The following ITSN2 variants were observed in gnomAD, a reference collection of about 807,000 sequenced individuals.
ITSN2 encodes intersectin-2.
Under a neutral mutation model 243.7 loss-of-function variants are expected in ITSN2, and 156 were observed. That is an observed-to-expected ratio of 0.64 (90% confidence interval 0.56 to 0.73). The LOEUF (loss-of-function observed/expected upper bound fraction) is 0.73, where lower values mean the gene tolerates loss of function less well. ITSN2 is among the 30% of genes least tolerant of loss of function. ITSN2 has a pLI of 0.00. For missense variants in ITSN2, 1,801 were observed against 1,996.1 expected (o/e 0.90, Z 1.86); for synonymous variants, 703 against 699.9 (o/e 1.00, Z -0.07).
chr2:24,234,866 A>G (rs888994916), intron 29 of ITSN2, among the ~76,000 whole-genome samples: 1 of 152,258 alleles, frequency 6.6e-6, no homozygotes, highest in Non-Finnish European at 1.5e-5. Context: ...AGGATGTGGA[A>G]CAACAGGAAC....
chr2:24,306,380 A>G (rs1374222244), intron 8 of ITSN2, among the ~76,000 whole-genome samples: 2 of 152,130 alleles, frequency 1.3e-5, no homozygotes, highest in Non-Finnish European at 2.9e-5. Context: ...CCTTCCCCAC[A>G]CAGTAACCAC....
chr2:24,251,730 GTTAT>G (rs1674325303), intron 25 of ITSN2, among the ~76,000 whole-genome samples: 1 of 150,294 alleles, frequency 6.7e-6, no homozygotes, highest in Non-Finnish European at 1.5e-5. Context: ...ATAAAAGCAC[GTTAT>G]TTATGTTACC....
chr2:24,317,202 G>A (rs1006963810), intron 2 of ITSN2, among the ~76,000 whole-genome samples: 12 of 152,124 alleles, frequency 7.9e-5, no homozygotes, highest in Non-Finnish European at 1.5e-4. Context: ...TCAACATGGC[G>A]AAACCTCATC....
chr2:24,215,246 G>A (rs1669847384), intron 32 of ITSN2, among the ~76,000 whole-genome samples: 1 of 152,216 alleles, frequency 6.6e-6, no homozygotes, highest in South Asian at 2.1e-4. Context: ...CAGGATCACA[G>A]ATATGCATTT....
chr2:24,285,024 G>A (rs1242245880), intron 16 of ITSN2, among the ~76,000 whole-genome samples, 181 bp from the exon 17 acceptor site: 1 of 150,610 alleles, frequency 6.6e-6, no homozygotes, highest in Admixed American at 6.7e-5. Context: ...AGCCTCCCGA[G>A]TAGCTGGGAC....
At chr2:24,353,847 T>G (rs1688226631) in intron 1 of ITSN2, among the ~76,000 whole-genome samples, 1 of 152,080 alleles carries the variant, frequency 6.6e-6, no homozygotes, top group Non-Finnish European at 1.5e-5. Context: ...TAGTAATCAT[T>G]GAAAAAAACT....
intron 2 of ITSN2, among the ~76,000 whole-genome samples, chr2:24,327,414 T>C (rs1169415800): frequency 6.6e-6 from 1 of 151,988 alleles, no homozygotes; most frequent in East Asian, 1.9e-4. Context: ...TTCTCCTGCC[T>C]CAACCTCCCA....
chr2:24,279,726 CTTTTTT>C (rs955431908), intron 17 of ITSN2, among the ~76,000 whole-genome samples: 14 of 78,246 alleles, frequency 1.8e-4, no homozygotes, highest in African/African-American at 5.3e-4. Flanking sequence ...TGTGAATTTT[CTTTTTT>C]TTTTTTTTTT....
At chr2:24,208,447 C>T in intron 36 of ITSN2, 128 bp from the exon 37 acceptor site, 2 of 702,504 alleles carry the variant, frequency 2.8e-6, no homozygotes, top group Non-Finnish European at 5.0e-6. Flanking sequence ...CTATCAAAGA[C>T]CTGATATTAG....
intron 16 of ITSN2, among the ~76,000 whole-genome samples, chr2:24,285,904 A>G (rs1436346419): frequency 6.6e-6 from 1 of 152,236 alleles, no homozygotes; most frequent in Non-Finnish European, 1.5e-5. Context: ...GCCTAGGATA[A>G]CGCTGGCTGA....
chr2:24,255,224 CATAAA>C (rs1312851987), intron 23 of ITSN2, among the ~76,000 whole-genome samples: 27 of 152,294 alleles, frequency 1.8e-4, no homozygotes, highest in Admixed American at 1.7e-3. Context: ...ATGTTATGGA[CATAAA>C]ATAAGACAAT....
At chr2:24,273,900 T>C (rs1677684900) in intron 18 of ITSN2, among the ~76,000 whole-genome samples, 2 of 152,186 alleles carry the variant, frequency 1.3e-5, no homozygotes, top group Non-Finnish European at 2.9e-5. Flanking sequence ...CCTGGGCAAA[T>C]GGCCAATCAA....
intron 17 of ITSN2, 58 bp from the exon 18 acceptor site, chr2:24,275,907 G>T: frequency 8.2e-7 from 1 of 1,221,952 alleles, no homozygotes; most frequent in Non-Finnish European, 1.1e-6. Context: ...CTTGTCATAT[G>T]TATTAATGTG....
chr2:24,310,793 C>G (rs1041155677), intron 5 of ITSN2, 101 bp from the exon 6 acceptor site: 13 of 868,716 alleles, frequency 1.5e-5, no homozygotes, highest in East Asian at 2.6e-5. Context: ...CTATGTTTAC[C>G]AAAACACACA....
intron 29 of ITSN2, among the ~76,000 whole-genome samples, chr2:24,235,349 T>C (rs1199776730): frequency 6.6e-6 from 1 of 152,046 alleles, no homozygotes. Context: ...GCTGAACAGG[T>C]AGAGCACAGA....
chr2:24,282,573 G>A (rs914838231), intron 17 of ITSN2, among the ~76,000 whole-genome samples: 16 of 152,088 alleles, frequency 1.1e-4, no homozygotes, highest in Admixed American at 9.2e-4. Flanking sequence ...GCCTATAGAC[G>A]GCAAACTAAA....
rs1226966781 is a variant in ITSN2, at chr2:24,246,268, G to C, written c.3438C>G (p.Leu1146=). Residue 1146 remains leucine, a synonymous_variant, in exon 29 of 40, where the codon CTC becomes CTG. Transcript: ENST00000355123. The stretch of plus-strand genomic sequence containing the variant: ...TAATGAGTTGTCCCTTGGAGAAACT[G>C]AGCTCATCTTCATTATTTGCTGCAT... The part of the protein sequence containing the change: ...YDYAANNEDE[L]SFSKGQLINV... 2 of 1,612,562 alleles carry C rather than the reference G, an allele frequency of 1.2e-6. No individual in the cohort carries two copies. Among genetic ancestry groups the C allele is most frequent in the Non-Finnish European group, 1.7e-6 (2 of 1,178,946 alleles).
chr2:24,308,867 G>T, intron 7 of ITSN2, 111 bp from the exon 8 acceptor site: 1 of 723,470 alleles, frequency 1.4e-6, no homozygotes, highest in Non-Finnish European at 2.3e-6. Flanking sequence ...CTGAACCCCC[G>T]GGCCACCGAC....
intron 1 of ITSN2, among the ~76,000 whole-genome samples, chr2:24,330,073 G>C (rs1685600913): frequency 1.3e-5 from 2 of 152,156 alleles, no homozygotes. Context: ...TTTAAAACAT[G>C]GGAGAAAACC....
Sources: gnomAD v4.1 joint callset for allele counts (sites outside exome capture counted in the v4.1 genomes callset) on GRCh38, gnomAD v4.1.1 for gene constraint, MANE v1.5 for transcripts, NCBI Gene and HGNC (gene_info 2026-07-23, HGNC 2026-07-21) for gene names.